TCERG1L: variants seen among roughly 807,000 people sequenced by gnomAD.
TCERG1L encodes the protein transcription elongation regulator 1-like protein.
TCERG1L carries 37 observed loss-of-function variants against 56.3 expected under a neutral mutation model. The observed-to-expected ratio is 0.66, with a 90% CI of 0.51 to 0.87. TCERG1L has a LOEUF of 0.87. TCERG1L is among the 40% of genes least tolerant of loss of function. The pLI is 0.00. For missense variants in TCERG1L, 799 were observed against 774.2 expected, an observed-to-expected ratio of 1.03 and a Z score of -0.38; for synonymous variants, 324 against 326.3, an observed-to-expected ratio of 0.99 and a Z score of 0.08.
chr10:131,187,726 C>G (rs1445151190), intron 4 of TCERG1L, among the ~76,000 whole-genome samples: 2 of 151,470 alleles, frequency 1.3e-5, no homozygotes, highest in Non-Finnish European at 2.9e-5. Context: ...ATACTGCCCC[C>G]AAGAGAGGAC....
At chr10:131,172,884 A>C (rs1846108363) in intron 4 of TCERG1L, among the ~76,000 whole-genome samples, 1 of 140,272 alleles carries the variant, frequency 7.1e-6, no homozygotes, top group East Asian at 2.0e-4. Flanking sequence ...GAGAATAATC[A>C]ATGATTTTTT....
intron 4 of TCERG1L, among the ~76,000 whole-genome samples, chr10:131,228,852 T>G (rs377320705): frequency 2.7e-5 from 1 of 36,978 alleles, no homozygotes; most frequent in East Asian, 1.2e-3. Context: ...TTCCTCAAGG[T>G]CTCCGGAGTC....
At chr10:131,288,343 T>G (rs543522951) in intron 3 of TCERG1L, among the ~76,000 whole-genome samples, 1 of 152,226 alleles carries the variant, frequency 6.6e-6, no homozygotes, top group South Asian at 2.1e-4. Flanking sequence ...AATCTCCTAG[T>G]AAGCAGGTGC....
chr10:131,166,907 C>A, intron 4 of TCERG1L, 22 bp from the exon 5 acceptor site: 1 of 1,592,980 alleles, frequency 6.3e-7, no homozygotes, highest in South Asian at 1.1e-5. Context: ...AAGCAGTTGT[C>A]ATTAACATTT....
rs201886398 is a variant in TCERG1L, at chr10:131,093,122, C to T, written c.*40G>A. 162 of 1,599,996 alleles carry T rather than the reference C, an allele frequency of 1.0e-4. 2 individuals are homozygous for T. The Admixed American group carries it at 2.8e-3, about 27-fold the overall frequency. On this transcript the variant is annotated 3_prime_UTR_variant, in exon 12 of 12. Transcript: ENST00000368642. The stretch of plus-strand genomic sequence containing the variant: ...CGTGACCCCCTCGCCCCCGGCACGC[C>T]CAGGGTCAACCCCCGGGCTTATTGC...
chr10:131,249,114 G>A (rs934971632), intron 4 of TCERG1L, among the ~76,000 whole-genome samples: 1 of 152,252 alleles, frequency 6.6e-6, no homozygotes, highest in African/African-American at 2.4e-5. Flanking sequence ...ATCCAGCAGG[G>A]ACTCAGCAAA....
intron 7 of TCERG1L, among the ~76,000 whole-genome samples, chr10:131,140,847 G>A (rs1212394274): frequency 6.6e-6 from 1 of 152,210 alleles, no homozygotes; most frequent in East Asian, 1.9e-4. Context: ...CCTGCCAGGA[G>A]AGGTGGTGGA....
At chr10:131,239,789 G>A (rs11592472) in intron 4 of TCERG1L, among the ~76,000 whole-genome samples, 69 of 152,284 alleles carry the variant, frequency 4.5e-4, no homozygotes, top group African/African-American at 1.6e-3. Context: ...TTTTCCCAGC[G>A]TACAGACATC....
intron 9 of TCERG1L, among the ~76,000 whole-genome samples, chr10:131,110,074 G>A (rs554533578): frequency 5.3e-4 from 80 of 152,308 alleles, no homozygotes; most frequent in African/African-American, 1.5e-3. Context: ...GACAGGCACC[G>A]GGAGTCTGAG....
rs566313816 is a variant in TCERG1L at position 131,118,985 on chromosome 10, C to T, written c.1260-2051G>A. Among the ~76,000 whole-genome samples, 11 of 152,250 alleles carry T rather than the reference C, an allele frequency of 7.2e-5. No homozygotes were observed. Among genetic ancestry groups the T allele is most frequent in the African/African-American group, 1.4e-4 (6 of 41,556 alleles). On this transcript the variant is annotated intron_variant, in intron 8 of 11. Coordinates refer to ENST00000368642, the MANE Select transcript of TCERG1L (RefSeq NM_174937.4). The surrounding 1 kb of genome is among the most constrained non-coding windows in gnomAD (Gnocchi z 4.2). The stretch of plus-strand genomic sequence containing the variant: ...GCAATGCACAGGACAGCCCCCACCA[C>T]GCAGGCTCATGTGGCCCAAGTGGGT...
At chr10:131,230,312 T>A (rs1845835359) in intron 4 of TCERG1L, among the ~76,000 whole-genome samples, 1 of 152,222 alleles carries the variant, frequency 6.6e-6, no homozygotes, top group South Asian at 2.1e-4. Flanking sequence ...GAACAGCGCG[T>A]GCTGCTGTGG....
intron 4 of TCERG1L, among the ~76,000 whole-genome samples, chr10:131,202,634 C>A (rs1845454077): frequency 6.6e-6 from 1 of 152,122 alleles, no homozygotes; most frequent in African/African-American, 2.4e-5. Flanking sequence ...ACATTTTGGT[C>A]TTTAAGGTAC....
chr10:131,114,522 G>A lies in TCERG1L; in HGVS notation c.1395+2277C>T, dbSNP rs1366055251. On this transcript the variant is annotated intron_variant, in intron 9 of 11. Transcript: ENST00000368642. ...CACAACCTGGTGGTTACCGCTTCAC[G>A]TTCAGATGATTTTGCTGATTCCTGT... 5.9e-5 allele frequency among the ~76,000 whole-genome samples: 9 copies of A among 152,008 alleles called. 3 individuals carry two copies. In the East Asian group the frequency reaches 1.6e-3, roughly 26 times the overall value.
chr10:131,163,135 G>A lies in TCERG1L; in HGVS notation c.1021C>T (p.Pro341Ser). ...GGGGTGTCTTACCAGGGGGATCCGG[G>A]CACCGGGGTGGAGGCCACTGGCCTG... is the stretch of plus-strand genomic sequence containing the variant. ...GNRPVASTPV[P>S]GSPWCVVWTG... The change falls in exon 6 of 12, where the codon CCC becomes TCC. Residue 341 changes from proline (P) to serine (S), a missense_variant. Transcript: ENST00000368642. 6.3e-7 allele frequency: 1 copy of A among 1,578,122 alleles called. No individual in the cohort carries two copies. The highest frequency in any genetic ancestry group is 1.8e-5 in the Admixed American group (1 of 54,520).
chr10:131,249,347 AT>A (rs1219110938), intron 4 of TCERG1L, among the ~76,000 whole-genome samples: 1 of 152,220 alleles, frequency 6.6e-6, no homozygotes, highest in East Asian at 1.9e-4. Flanking sequence ...AGGGGCTTCC[AT>A]GGCCCTGGCA....
In TCERG1L at chr10:131,104,639, C is replaced by T. The variant is rs562000378; in HGVS notation, c.1396-285G>A. Among the ~76,000 whole-genome samples the T allele has an allele frequency of 1.1e-3, 173 of 152,194 alleles. 2 individuals are homozygous for T. The Middle Eastern group carries it at 0.014, about 12-fold the overall frequency. On this transcript the variant is annotated intron_variant, in intron 9 of 11. Transcript: ENST00000368642. The stretch of plus-strand genomic sequence containing the variant: ...GAAACCCCAATTATACCTGTGGAGG[C>T]GTGGCATTCTGGAACAACCCATTTC...
At chr10:131,110,799 A>AC (rs1274656993) in intron 9 of TCERG1L, among the ~76,000 whole-genome samples, 1 of 144,464 alleles carries the variant, frequency 6.9e-6, no homozygotes, top group African/African-American at 2.4e-5. Context: ...AAGGGGGTTC[A>AC]ATTCAAGTAA....
intron 4 of TCERG1L, among the ~76,000 whole-genome samples, chr10:131,254,654 G>A (rs573283011): frequency 3.9e-5 from 6 of 152,216 alleles, no homozygotes; most frequent in East Asian, 3.9e-4. Flanking sequence ...AGGAGGCACC[G>A]TGGACTCGGT....
At chr10:131,142,599 C>T (rs1434052866) in intron 7 of TCERG1L, among the ~76,000 whole-genome samples, 1 of 152,210 alleles carries the variant, frequency 6.6e-6, no homozygotes, top group Non-Finnish European at 1.5e-5. Flanking sequence ...TGCACGGCTG[C>T]TGCAGCTGCT....
Sources: gnomAD v4.1 joint callset for allele counts (sites outside exome capture counted in the v4.1 genomes callset) on GRCh38, gnomAD v4.1.1 for gene constraint, Gnocchi (gnomAD v3.1) non-coding constraint, MANE v1.5 for transcripts, NCBI Gene and HGNC (gene_info 2026-07-23, HGNC 2026-07-21) for gene names.